PGM2L1: variants seen among roughly 807,000 people sequenced by gnomAD.
PGM2L1 encodes the protein phosphoglucomutase 2 like 1.
In PGM2L1, 35 loss-of-function variants were observed where a neutral mutation model predicts 73.4. That is an observed-to-expected ratio of 0.48 (90% CI 0.36 to 0.63). The LOEUF is 0.63. Ranked by LOEUF, PGM2L1 falls within the 30% of genes least tolerant of loss-of-function variation. The pLI, the probability that PGM2L1 is intolerant of heterozygous loss-of-function variation, is 0.00. For synonymous variants in PGM2L1, 225 were observed against 253.8 expected (o/e 0.89, Z 1.08); for missense variants, 570 against 742.0 (o/e 0.77, Z 2.69).
At chr11:74,385,255 T>C (rs1410099261) in intron 1 of PGM2L1, among the ~76,000 whole-genome samples, 1 of 152,222 alleles carries the variant, frequency 6.6e-6, no homozygotes, top group Non-Finnish European at 1.5e-5. Context: ...TTTACTACAC[T>C]TAACTTACAT....
chr11:74,366,358 T>TA lies in PGM2L1; in HGVS notation c.555+2133dup, dbSNP rs779898779. Among the ~76,000 whole-genome samples, 268 of 83,512 alleles carry TA rather than the reference T, an allele frequency of 3.2e-3. 1 individual carries two copies. Among genetic ancestry groups the TA allele is most frequent in the South Asian group, 7.6e-3 (22 of 2,878 alleles). 54.8% of individuals were successfully genotyped at this position (83,512 alleles called of 152,430 possible). A position where few individuals can be genotyped will look rare whatever the true frequency, so the allele number is the denominator to read the frequency against. On this transcript the variant is annotated intron_variant, in intron 5 of 13. Coordinates refer to ENST00000298198, the MANE Select transcript of PGM2L1 (RefSeq NM_173582.6). Reference sequence around the variant, plus strand: ...CACATGTACCCTAGAACTTAAAGTATAAAAAAAAAAAAAAAAGAATCCCTT... The same window carrying TA: ...CACATGTACCCTAGAACTTAAAGTATAAAAAAAAAAAAAAAAAGAATCCCTT...
chr11:74,344,770 T>G (rs1052036741), intron 9 of PGM2L1, among the ~76,000 whole-genome samples: 1 of 152,220 alleles, frequency 6.6e-6, no homozygotes, highest in Non-Finnish European at 1.5e-5. Flanking sequence ...TCTTCTATTT[T>G]GCTATTTGTG....
rs751742460 is a variant in PGM2L1 at position 74,346,270 on chromosome 11, C to CAAAAAAAAAAAAAAAAAAAAAAAAAAAAA, written c.1037+461_1037+462insTTTTTTTTTTTTTTTTTTTTTTTTTTTTT. 8.6e-5 allele frequency among the ~76,000 whole-genome samples: 5 copies of CAAAAAAAAAAAAAAAAAAAAAAAAAAAAA among 57,888 alleles called. 1 individual carries two copies. Among genetic ancestry groups the CAAAAAAAAAAAAAAAAAAAAAAAAAAAAA allele is most frequent in the Non-Finnish European group, 9.1e-5 (3 of 33,008 alleles). The allele number at this position is 57,888 out of a possible 152,430, so 38.0% of individuals were successfully genotyped here. On this transcript the variant is annotated intron_variant, in intron 8 of 13. Transcript: ENST00000298198. ...AGCAACAAGAGCGAAACTATGTCTCCAAAAAAAAAAAAAAAAAAAAAAAAA... is the reference window on the plus strand; with the variant it reads ...AGCAACAAGAGCGAAACTATGTCTCCAAAAAAAAAAAAAAAAAAAAAAAAAAAAAAAAAAAAAAAAAAAAAAAAAAAAAA...
chr11:74,343,843 A>G (rs1287378548), intron 9 of PGM2L1, among the ~76,000 whole-genome samples: 6 of 131,428 alleles, frequency 4.6e-5, no homozygotes, highest in Non-Finnish European at 7.6e-5. Flanking sequence ...CAGTGGCGCA[A>G]TTTCAGCTCA....
chr11:74,371,697 A>T lies in PGM2L1; in HGVS notation c.386+14T>A. On this transcript the variant is annotated intron_variant, in intron 3 of 13. Transcript: ENST00000298198. ...TCTATTTCAACTTAATCTTTGAAAC[A>T]ATTAACTTTGTACCTCTGGCTGCTG... 2 of 1,599,612 alleles carry T rather than the reference A, an allele frequency of 1.3e-6. No homozygotes were observed. The highest frequency in any genetic ancestry group is 1.7e-6 in the Non-Finnish European group (2 of 1,166,882).
Position 74,356,398 on chromosome 11 carries a change from C to T in PGM2L1, c.556-4822G>A, listed in dbSNP as rs568882279. 3.9e-5 allele frequency among the ~76,000 whole-genome samples: 6 copies of T among 152,028 alleles called. No homozygotes were observed. The East Asian group carries it at 1.2e-3, about 29-fold the overall frequency. ...AACAGGAATGAAGCTTGTGTGTCATCCATAATCAATAAATGATTTAATTAT... is the reference window on the plus strand; with the variant it reads ...AACAGGAATGAAGCTTGTGTGTCATTCATAATCAATAAATGATTTAATTAT... On this transcript the variant is annotated intron_variant, in intron 5 of 13. Coordinates refer to ENST00000298198, the MANE Select transcript of PGM2L1 (RefSeq NM_173582.6).
chr11:74,376,709 T>A (rs1253654045), intron 1 of PGM2L1, among the ~76,000 whole-genome samples: 1 of 151,990 alleles, frequency 6.6e-6, no homozygotes, highest in Non-Finnish European at 1.5e-5. Flanking sequence ...GCTACTAGAG[T>A]AGGGCCTAAA....
chr11:74,351,603 AT>A, intron 5 of PGM2L1, 27 bp from the exon 6 acceptor site: 1 of 1,515,596 alleles, frequency 6.6e-7, no homozygotes, highest in African/African-American at 1.4e-5. Flanking sequence ...TATAACCATA[AT>A]TACTTAAAAT....
intron 12 of PGM2L1, among the ~76,000 whole-genome samples, chr11:74,340,244 G>A (rs1488324391): frequency 6.6e-6 from 1 of 152,148 alleles, no homozygotes; most frequent in East Asian, 1.9e-4. Flanking sequence ...AGAACCAGAA[G>A]AGAATAGATG....
chr11:74,358,396 C>G (rs1473490857), intron 5 of PGM2L1, among the ~76,000 whole-genome samples: 2 of 152,168 alleles, frequency 1.3e-5, no homozygotes, highest in Non-Finnish European at 2.9e-5. Context: ...AAAAGATGCT[C>G]AACCTCACTC....
intron 13 of PGM2L1, among the ~76,000 whole-genome samples, chr11:74,337,904 T>C (rs1415645186): frequency 6.6e-6 from 1 of 152,140 alleles, no homozygotes; most frequent in African/African-American, 2.4e-5. Context: ...CCTAGGTATA[T>C]ACCTAAGAGA....
At chr11:74,390,098 G>A (rs1195225039) in intron 1 of PGM2L1, among the ~76,000 whole-genome samples, 1 of 144,078 alleles carries the variant, frequency 6.9e-6, no homozygotes. Flanking sequence ...CAGCCTGGGC[G>A]ACAGAGCGAG....
chr11:74,362,523 G>C (rs922220449), intron 5 of PGM2L1, among the ~76,000 whole-genome samples: 2 of 152,118 alleles, frequency 1.3e-5, no homozygotes, highest in African/African-American at 4.8e-5. Flanking sequence ...ATAATGACAG[G>C]ATCAAATTCA....
rs1357272314 is a variant in PGM2L1, at chr11:74,335,202, A to G, written c.*1450T>C. The G allele has an allele frequency of 1.3e-5, 2 of 151,678 alleles. No homozygotes were observed. The highest frequency in any genetic ancestry group is 2.4e-5 in the African/African-American group (1 of 41,222). The allele number at this position is 151,678 out of a possible 1,614,324, so 9.4% of individuals were successfully genotyped here. ...AGTGGCGTGATTTCGGCTCACTGCAATCTCAGCCTCCTAGGTTCAAGCAAT... is the reference window on the plus strand; with the variant it reads ...AGTGGCGTGATTTCGGCTCACTGCAGTCTCAGCCTCCTAGGTTCAAGCAAT... On this transcript the variant is annotated 3_prime_UTR_variant, in exon 14 of 14. Transcript: ENST00000298198.
chr11:74,371,926 G>C, intron 2 of PGM2L1, 109 bp from the exon 3 acceptor site: 5 of 915,372 alleles, frequency 5.5e-6, no homozygotes, highest in Non-Finnish European at 8.8e-6. Context: ...TGCTAGGGAA[G>C]TGGCTTCTGC....
intron 1 of PGM2L1, among the ~76,000 whole-genome samples, chr11:74,386,976 A>C (rs147001576): frequency 6.6e-6 from 1 of 152,270 alleles, no homozygotes; most frequent in Admixed American, 6.5e-5. Context: ...CAAAGTTAGC[A>C]AAATATATGA....
At chr11:74,391,954 A>C (rs961276064) in intron 1 of PGM2L1, among the ~76,000 whole-genome samples, 1 of 152,246 alleles carries the variant, frequency 6.6e-6, no homozygotes, top group Non-Finnish European at 1.5e-5. Flanking sequence ...TGCTAGCATT[A>C]ATTATATTGT....
intron 5 of PGM2L1, among the ~76,000 whole-genome samples, chr11:74,363,594 T>C (rs1488587082): frequency 6.6e-6 from 1 of 152,058 alleles, no homozygotes; most frequent in East Asian, 1.9e-4. Flanking sequence ...TATAAACACC[T>C]CTATGCAAAT....
intron 1 of PGM2L1, among the ~76,000 whole-genome samples, chr11:74,396,086 T>G (rs947422571): frequency 5.5e-5 from 8 of 146,220 alleles, no homozygotes; most frequent in Non-Finnish European, 1.2e-4. Context: ...ACCCCATTTC[T>G]AAAAAAAAAA....
Sources: gnomAD v4.1 joint callset for allele counts (sites outside exome capture counted in the v4.1 genomes callset) on GRCh38, gnomAD v4.1.1 for gene constraint, MANE v1.5 for transcripts, NCBI Gene and HGNC (gene_info 2026-07-23, HGNC 2026-07-21) for gene names.